Variants in CACNA1C observed in about 807,000 individuals in gnomAD.
CACNA1C encodes the protein voltage-dependent L-type calcium channel subunit alpha-1C.
In CACNA1C, 30 loss-of-function variants were observed where a neutral mutation model predicts 229.0. The ratio of observed to expected loss-of-function variants is 0.13; its 90% CI spans 0.10 to 0.18. CACNA1C has a LOEUF of 0.18. Ranked by LOEUF, CACNA1C falls within the 10% of genes least tolerant of loss-of-function variation. The pLI is 1.00. For synonymous variants in CACNA1C, 1,114 were observed against 1,132.5 expected (o/e 0.98, Z 0.33); for missense variants, 1,658 against 2,845.0 (o/e 0.58, Z 9.49).
intron 1 of CACNA1C, among the ~76,000 whole-genome samples, chr12:2,025,163 C>T (rs566868674): frequency 6.6e-5 from 10 of 152,254 alleles, no homozygotes; most frequent in South Asian, 2.1e-4. Flanking sequence ...ATTCTGTGGT[C>T]GTAGTGAAGG....
intron 3 of CACNA1C, among the ~76,000 whole-genome samples, chr12:2,192,024 ACACGCACTCACACATACAGG>A (rs1296393567): frequency 2.0e-5 from 3 of 150,482 alleles, no homozygotes; most frequent in Admixed American, 6.6e-5. Flanking sequence ...TCACACATAT[ACACGCACTCACACATACAGG>A]CACACACATA....
chr12:2,674,575 G>A lies in CACNA1C; in HGVS notation c.4761G>A (p.Ala1587=), dbSNP rs756364065. The A allele has an allele frequency of 6.5e-5, 102 of 1,573,224 alleles. No homozygotes were observed. Among genetic ancestry groups the A allele is most frequent in the Non-Finnish European group, 8.2e-5 (95 of 1,158,832 alleles). ...AACAAGCCAATGAGGAGCTGCGGGCGATCATCAAGAAGATCTGGAAGCGGA... is the reference window on the plus strand; with the variant it reads ...AACAAGCCAATGAGGAGCTGCGGGCAATCATCAAGAAGATCTGGAAGCGGA... The part of the protein sequence containing the change: ...NLEQANEELR[A]IIKKIWKRTS... Residue 1587 remains alanine (A), a synonymous_variant, in exon 39 of 47, where the codon GCG becomes GCA. Transcript: ENST00000399655.
intron 3 of CACNA1C, among the ~76,000 whole-genome samples, chr12:2,415,793 C>A (rs975749741): frequency 2.6e-5 from 4 of 152,148 alleles, no homozygotes; most frequent in African/African-American, 9.7e-5. Flanking sequence ...CCCCCAGCCC[C>A]TCTCTGTCTT....
At chr12:2,440,875 G>A (rs557767884) in intron 3 of CACNA1C, among the ~76,000 whole-genome samples, 13 of 152,320 alleles carry the variant, frequency 8.5e-5, no homozygotes, top group South Asian at 4.1e-4. Flanking sequence ...TGCGGCAAGT[G>A]GAGCAAAGTG....
chr12:2,002,416 A>T (rs1000562782), intron 1 of CACNA1C, among the ~76,000 whole-genome samples: 10 of 152,204 alleles, frequency 6.6e-5, no homozygotes, highest in Non-Finnish European at 1.2e-4. Context: ...ACTTTGAAAG[A>T]ATGACCTTTT....
At chr12:2,360,156 A>ACCCCCCCCCC (rs796441635) in intron 3 of CACNA1C, among the ~76,000 whole-genome samples, 13 of 57,074 alleles carry the variant, frequency 2.3e-4, no homozygotes, top group Non-Finnish European at 2.4e-4. Flanking sequence ...AACACACCCC[A>ACCCCCCCCCC]CCCCCCCCCA....
At chr12:2,370,233 G>A (rs1567288783) in intron 3 of CACNA1C, among the ~76,000 whole-genome samples, 1 of 152,072 alleles carries the variant, frequency 6.6e-6, no homozygotes, top group Non-Finnish European at 1.5e-5. Flanking sequence ...TGGTAAAATG[G>A]GCTCTCATAT....
intron 29 of CACNA1C, among the ~76,000 whole-genome samples, chr12:2,631,314 CT>C (rs2090313794): frequency 6.6e-6 from 1 of 152,182 alleles, no homozygotes. Context: ...TTCTTGCACG[CT>C]TTCTAGGCTG....
rs569915408 is a variant in CACNA1C at position 2,464,078 on chromosome 12, A to G, written c.757+6372A>G. On this transcript the variant is annotated intron_variant, in intron 5 of 46. Transcript: ENST00000399655. ...ATATGCCTTCTGGAGAAGAACTTTC[A>G]GGAGGGACTTGATAAAGGGAGAAGT... Among the ~76,000 whole-genome samples, 3 of 152,272 alleles carry G rather than the reference A, an allele frequency of 2.0e-5. No homozygotes were observed. The East Asian group carries it at 5.8e-4, about 29-fold the overall frequency.
In CACNA1C at chr12:2,694,688, C is replaced by G. The variant is rs992095921; in HGVS notation, c.*3489C>G. The G allele has an allele frequency of 6.6e-6, 1 of 152,274 alleles. No individual in the cohort carries two copies. The highest frequency in any genetic ancestry group is 2.4e-5 in the African/African-American group (1 of 41,456). The allele number at this position is 152,274 out of a possible 1,614,324, so 9.4% of individuals were successfully genotyped here. A position where few individuals can be genotyped will look rare whatever the true frequency, so the allele number is the denominator to read the frequency against. On this transcript the variant is annotated 3_prime_UTR_variant, in exon 47 of 47. Transcript: ENST00000399655. ...TTTCTCCCAGCTTTTCTCCACCCAG[C>G]ATGTCTCCTGCCCATGCAGCTGAAG... is the stretch of plus-strand genomic sequence containing the variant.
chr12:2,323,466 C>T (rs1185024751), intron 3 of CACNA1C, among the ~76,000 whole-genome samples: 4 of 152,218 alleles, frequency 2.6e-5, no homozygotes, highest in East Asian at 3.9e-4. Flanking sequence ...TCTGAGAGGA[C>T]GGTGAGTGTC....
At chr12:2,388,608 G>A (rs78998256) in intron 3 of CACNA1C, among the ~76,000 whole-genome samples, 20 of 151,912 alleles carry the variant, frequency 1.3e-4, no homozygotes, top group African/African-American at 2.9e-4. Flanking sequence ...TGCCTATGAC[G>A]TATCCAAGTG....
chr12:2,120,438 C>T lies in CACNA1C; in HGVS notation c.477+8C>T, dbSNP rs763228787. On this transcript the variant is annotated splice_region_variant and intron_variant, in intron 3 of 46. Coordinates refer to ENST00000399655, the MANE Select transcript of CACNA1C (RefSeq NM_000719.7). ...GCCACCAATTCCAACCTGGTAAGTC[C>T]ACCATCCTCAAGTCTCTGCTTTTTC... 5 of 1,446,048 alleles carry T rather than the reference C, an allele frequency of 3.5e-6. No homozygotes were observed. Among genetic ancestry groups the T allele is most frequent in the East Asian group, 4.5e-5 (2 of 44,046 alleles). The allele number at this position is 1,446,048 out of a possible 1,614,324, so 89.6% of individuals were successfully genotyped here.
intron 29 of CACNA1C, among the ~76,000 whole-genome samples, chr12:2,618,495 A>G (rs1033583704): frequency 1.3e-5 from 2 of 152,234 alleles, no homozygotes; most frequent in Admixed American, 1.3e-4. Context: ...GGTGTGGCAA[A>G]GGCCACGAGG....
At chr12:2,035,158 C>T (rs1483918157) in intron 1 of CACNA1C, among the ~76,000 whole-genome samples, 2 of 152,192 alleles carry the variant, frequency 1.3e-5, no homozygotes, top group Non-Finnish European at 2.9e-5. Context: ...CCCGGGCCCT[C>T]CGCGGGGCGC....
At chr12:2,331,291 C>T (rs1450274071) in intron 3 of CACNA1C, among the ~76,000 whole-genome samples, 1 of 152,152 alleles carries the variant, frequency 6.6e-6, no homozygotes, top group Non-Finnish European at 1.5e-5. Context: ...CACATATGTA[C>T]ATATCCCAAC....
At chr12:2,564,952 C>T (rs1317376879) in intron 11 of CACNA1C, among the ~76,000 whole-genome samples, 1 of 152,174 alleles carries the variant, frequency 6.6e-6, no homozygotes, top group African/African-American at 2.4e-5. Flanking sequence ...CAGTCTCCTC[C>T]TCAGCACCTC....
At chr12:2,517,599 C>G (rs1007712667) in intron 9 of CACNA1C, among the ~76,000 whole-genome samples, 1 of 152,212 alleles carries the variant, frequency 6.6e-6, no homozygotes, top group Non-Finnish European at 1.5e-5. Flanking sequence ...CCCCTTTTCT[C>G]TCTGGGTAAA....
intron 3 of CACNA1C, among the ~76,000 whole-genome samples, chr12:2,120,654 C>CTGTG (rs1491492473): frequency 1.0e-5 from 1 of 98,768 alleles, no homozygotes; most frequent in South Asian, 3.5e-4. Context: ...TGGTGGTGAG[C>CTGTG]TCTGTGTGTG....
Sources: allele counts gnomAD v4.1 joint callset (sites outside exome capture counted in the v4.1 genomes callset), GRCh38; gene constraint gnomAD v4.1.1; transcripts MANE v1.5; gene names NCBI Gene and HGNC (gene_info 2026-07-23, HGNC 2026-07-21).